Variants in PLCE1 observed in about 807,000 individuals in gnomAD.
The protein encoded by PLCE1 is phospholipase C epsilon 1, also known as 1-phosphatidylinositol 4,5-bisphosphate phosphodiesterase epsilon-1.
In PLCE1, 119 loss-of-function variants were observed where a neutral mutation model predicts 242.8. The observed-to-expected ratio is 0.49, with a 90% confidence interval of 0.42 to 0.57. PLCE1 has a LOEUF of 0.57. PLCE1 is among the 20% of genes least tolerant of loss of function. The probability of loss-of-function intolerance (pLI) is 0.00; values close to 1 mark genes in which losing one functional copy is unlikely to be tolerated. For missense variants in PLCE1, 2,441 were observed against 2,788.8 expected (o/e 0.88, Z 2.81); for synonymous variants, 945 against 1,017.4 (o/e 0.93, Z 1.35).
chr10:94,005,850 G>A (rs936536609), intron 1 of PLCE1, among the ~76,000 whole-genome samples: 1 of 152,178 alleles, frequency 6.6e-6, no homozygotes. Flanking sequence ...CCATTCTAAT[G>A]TTTGTCTTTC....
intron 3 of PLCE1, among the ~76,000 whole-genome samples, chr10:94,154,562 A>G (rs2047370483): frequency 6.6e-6 from 1 of 152,212 alleles, no homozygotes; most frequent in Non-Finnish European, 1.5e-5. Flanking sequence ...CACATATATA[A>G]TAAGAGATTA....
At chr10:94,185,421 A>G (rs1239894961) in intron 4 of PLCE1, among the ~76,000 whole-genome samples, 5 of 152,144 alleles carry the variant, frequency 3.3e-5, no homozygotes, top group Admixed American at 1.3e-4. Flanking sequence ...ACTTGAACCC[A>G]GGAGGCAGAG....
At chr10:94,191,462 C>T (rs1360367824) in intron 4 of PLCE1, among the ~76,000 whole-genome samples, 1 of 151,966 alleles carries the variant, frequency 6.6e-6, no homozygotes, top group Non-Finnish European at 1.5e-5. Flanking sequence ...GGCGACATAG[C>T]GAGACCCGGT....
At chr10:94,227,950 T>C (rs1210077739) in intron 5 of PLCE1, among the ~76,000 whole-genome samples, 1 of 152,258 alleles carries the variant, frequency 6.6e-6, no homozygotes, top group Non-Finnish European at 1.5e-5. Context: ...GCACATTCCC[T>C]ATATTGTATG....
At chr10:94,022,194 G>C (rs868647753) in intron 1 of PLCE1, among the ~76,000 whole-genome samples, 23 of 151,912 alleles carry the variant, frequency 1.5e-4, no homozygotes, top group Middle Eastern at 8.1e-3. Context: ...AATTTAACAA[G>C]GTTATAATTT....
intron 2 of PLCE1, among the ~76,000 whole-genome samples, chr10:94,123,955 C>T (rs1369076167): frequency 1.3e-5 from 2 of 152,070 alleles, no homozygotes; most frequent in Non-Finnish European, 2.9e-5. Context: ...CATATATAGT[C>T]ACTAATGCGA....
chr10:94,245,256 G>T (rs924747935), intron 7 of PLCE1, among the ~76,000 whole-genome samples: 1 of 152,010 alleles, frequency 6.6e-6, no homozygotes, highest in Non-Finnish European at 1.5e-5. Context: ...TTCCTCATAG[G>T]TAGAAAAAGA....
At chr10:94,308,431 C>G in intron 26 of PLCE1, 150 bp from the exon 27 acceptor site, 2 of 758,462 alleles carry the variant, frequency 2.6e-6, no homozygotes, top group Non-Finnish European at 4.8e-6. Context: ...GGGCAGCACT[C>G]TCTTGGCGAA....
At chr10:94,121,570 TC>T (rs2046299468) in intron 2 of PLCE1, among the ~76,000 whole-genome samples, 1 of 152,150 alleles carries the variant, frequency 6.6e-6, no homozygotes. Context: ...GAAACAGAAC[TC>T]ACAGATGTCT....
intron 3 of PLCE1, among the ~76,000 whole-genome samples, chr10:94,168,387 A>G (rs2047874506): frequency 2.0e-5 from 3 of 152,248 alleles, no homozygotes; most frequent in Admixed American, 2.0e-4. Context: ...GTGGTACACA[A>G]TATGAAATCC....
intron 22 of PLCE1, among the ~76,000 whole-genome samples, chr10:94,286,616 T>G (rs1356205350): frequency 1.3e-5 from 2 of 152,206 alleles, no homozygotes; most frequent in East Asian, 3.8e-4. Context: ...AGTTTTCTCC[T>G]ATAAGCTGTT....
At chr10:94,120,504 T>A (rs2046267921) in intron 2 of PLCE1, among the ~76,000 whole-genome samples, 1 of 152,176 alleles carries the variant, frequency 6.6e-6, no homozygotes, top group Admixed American at 6.5e-5. Flanking sequence ...GAGAGGAATG[T>A]CCCTAGCTCC....
chr10:94,235,902 T>A lies in PLCE1; in HGVS notation c.2215-13T>A. ...TTAAGTTGCAATAGCAAATTCTCGA[T>A]TTTTTTTTGTAGTTTGTAGCAGATT... On this transcript the variant is annotated splice_polypyrimidine_tract_variant and intron_variant, in intron 6 of 32. Coordinates refer to ENST00000371380, the MANE Select transcript of PLCE1 (RefSeq NM_016341.4). 1 of 1,557,726 alleles carries A rather than the reference T, an allele frequency of 6.4e-7. No individual in the cohort carries two copies. The highest frequency in any genetic ancestry group is 8.8e-7 in the Non-Finnish European group (1 of 1,132,218).
chr10:94,008,459 C>T (rs1279132549), intron 1 of PLCE1, among the ~76,000 whole-genome samples: 1 of 152,092 alleles, frequency 6.6e-6, no homozygotes, highest in Non-Finnish European at 1.5e-5. Context: ...CAGGTGCGTG[C>T]TACCACACCC....
intron 1 of PLCE1, among the ~76,000 whole-genome samples, chr10:94,012,072 C>G (rs1223580): frequency 0.56 from 85,407 of 151,986 alleles, 25,420 homozygotes; most frequent in African/African-American, 0.75. Flanking sequence ...GCCAGGTGTT[C>G]AGGAAGCTGC....
intron 22 of PLCE1, among the ~76,000 whole-genome samples, chr10:94,289,507 A>T (rs1370458339): frequency 6.6e-6 from 1 of 152,228 alleles, no homozygotes; most frequent in Non-Finnish European, 1.5e-5. Context: ...GAGTGAACTT[A>T]GACAAAGCTA....
chr10:94,246,247 C>G lies in PLCE1; in HGVS notation c.2722C>G (p.Leu908Val). The G allele has an allele frequency of 1.2e-6, 2 of 1,614,178 alleles. No homozygotes were observed. Among genetic ancestry groups the G allele is most frequent in the Middle Eastern group, 1.6e-4 (1 of 6,062 alleles). The change falls in exon 8 of 33, where the codon CTT becomes GTT. Residue 908 changes from leucine (L) to valine (V), a missense_variant. Physicochemically the swap from Leu to Val is conservative, Grantham distance 32. Coordinates refer to ENST00000371380, the MANE Select transcript of PLCE1 (RefSeq NM_016341.4). Reference sequence around the variant, plus strand: ...CTCCCCAGCCAGCAGTAAAGCAAAACTTGGTGTACTTAATAACACAGCTGA... The same window carrying G: ...CTCCCCAGCCAGCAGTAAAGCAAAAGTTGGTGTACTTAATAACACAGCTGA... ...TASPASSKAKLGVLNNTAEPG... is the reference protein window; with the variant it reads ...TASPASSKAKVGVLNNTAEPG...
chr10:94,084,228 A>G (rs1009171514), intron 2 of PLCE1, among the ~76,000 whole-genome samples: 2 of 152,090 alleles, frequency 1.3e-5, no homozygotes, highest in Non-Finnish European at 1.5e-5. Flanking sequence ...AAATTTAAAT[A>G]TTTTTCAAAT....
intron 4 of PLCE1, among the ~76,000 whole-genome samples, chr10:94,214,978 C>T (rs899191389): frequency 1.3e-5 from 2 of 152,174 alleles, no homozygotes; most frequent in African/African-American, 2.4e-5. Flanking sequence ...AGAATGGGTC[C>T]AGCCCATTCC....
Sources: gnomAD v4.1 joint callset for allele counts (sites outside exome capture counted in the v4.1 genomes callset) on GRCh38, gnomAD v4.1.1 for gene constraint, MANE v1.5 for transcripts, NCBI Gene and HGNC (gene_info 2026-07-23, HGNC 2026-07-21) for gene names.